Variants in ARID4A observed in about 807,000 individuals in gnomAD.
ARID4A encodes AT-rich interactive domain-containing protein 4A.
Under a neutral mutation model 148.6 loss-of-function variants are expected in ARID4A, and 39 were observed. That is an observed-to-expected ratio of 0.26 (90% confidence interval 0.20 to 0.34). The LOEUF (loss-of-function observed/expected upper bound fraction) is 0.34. Among genes scored for constraint, ARID4A ranks in the 10% least tolerant of loss-of-function variants. ARID4A has a pLI of 1.00. For missense variants in ARID4A, 1,265 were observed against 1,449.1 expected (o/e 0.87, Z 2.06); for synonymous variants, 475 against 481.2 (o/e 0.99, Z 0.17).
intron 23 of ARID4A, among the ~76,000 whole-genome samples, chr14:58,368,752 A>G (rs1015737568): frequency 3.9e-5 from 6 of 152,230 alleles, no homozygotes; most frequent in African/African-American, 1.4e-4. Flanking sequence ...TCTAAACACA[A>G]AATTCATTTA....
chr14:58,365,511 A>G lies in ARID4A; in HGVS notation c.3212-7A>G, dbSNP rs753369389. ...TTTTCAACATTCTCTCTTTCCCCTT[A>G]TTTCAGGTCAGAAGAGGCCAAGTGA... On this transcript the variant is annotated splice_region_variant and splice_polypyrimidine_tract_variant and intron_variant, in intron 20 of 23. Coordinates refer to ENST00000355431, the MANE Select transcript of ARID4A (RefSeq NM_002892.4). The G allele has an allele frequency of 3.2e-5, 19 of 598,262 alleles. No individual in the cohort carries two copies. The highest frequency in any genetic ancestry group is 4.5e-5 in the Non-Finnish European group (19 of 423,232). 37.1% of individuals were successfully genotyped at this position (598,262 alleles called of 1,614,324 possible).
chr14:58,311,949 A>T (rs1252668027), intron 5 of ARID4A, among the ~76,000 whole-genome samples: 1 of 151,980 alleles, frequency 6.6e-6, no homozygotes, highest in Non-Finnish European at 1.5e-5. Flanking sequence ...GGGGTGAGGG[A>T]TTAGGTAAAT....
intron 9 of ARID4A, among the ~76,000 whole-genome samples, chr14:58,328,550 T>C (rs76747427): frequency 6.6e-6 from 1 of 152,174 alleles, no homozygotes; most frequent in African/African-American, 2.4e-5. Context: ...GTTTTTTTTT[T>C]AGCAAAAGAT....
intron 16 of ARID4A, chr14:58,353,369 T>C (rs949171246): frequency 3.3e-4 from 80 of 239,566 alleles, no homozygotes; most frequent in African/African-American, 1.7e-3. Flanking sequence ...ATTTTTCTTA[T>C]TTTGTTTTGT....
chr14:58,300,395 A>G (rs1354825744), intron 2 of ARID4A, among the ~76,000 whole-genome samples: 2 of 152,222 alleles, frequency 1.3e-5, no homozygotes, highest in Admixed American at 6.5e-5. Flanking sequence ...TATTCTACTG[A>G]GGATGACTGC....
At position 58,364,645 on chromosome 14, in the gene ARID4A, A is replaced by G. The variant is rs749287815; in HGVS notation, c.2556A>G (p.Glu852=). ...TEDEIDQCVK[E]KKLKRKILGQ... is the part of the protein sequence containing the mutation. ...ATGAAATTGACCAATGTGTGAAAGA[A>G]AAGAAGTTGAAACGGAAAATACTAG... The change falls in exon 20 of 24, where the codon GAA becomes GAG. Residue 852 remains glutamate (E), a synonymous_variant. Coordinates refer to ENST00000355431, the MANE Select transcript of ARID4A (RefSeq NM_002892.4). The G allele has an allele frequency of 1.2e-6, 2 of 1,613,992 alleles. No individual in the cohort carries two copies. The highest frequency in any genetic ancestry group is 2.2e-5 in the South Asian group (2 of 91,052).
rs2140119816 is a variant in ARID4A at position 58,298,567 on chromosome 14, A to G, written c.-191A>G. On this transcript the variant is annotated 5_prime_UTR_variant, in exon 1 of 24. Coordinates refer to ENST00000355431, the MANE Select transcript of ARID4A (RefSeq NM_002892.4). ...TTGTTATTTGGTGGATTGTGGCAGT[A>G]AATCGGGGCGAGTGGGGAACCCGGC... The G allele has an allele frequency of 6.5e-6, 1 of 153,032 alleles. No homozygotes were observed. The highest frequency in any genetic ancestry group is 2.1e-4 in the South Asian group (1 of 4,844). The allele number at this position is 153,032 out of a possible 1,614,324, so 9.5% of individuals were successfully genotyped here.
intron 5 of ARID4A, among the ~76,000 whole-genome samples, chr14:58,310,951 A>T (rs1332555126): frequency 6.6e-6 from 1 of 151,986 alleles, no homozygotes; most frequent in Non-Finnish European, 1.5e-5. Context: ...CCCAATTTTT[A>T]AAATGGGCAA....
chr14:58,318,118 A>G (rs1368154000), intron 5 of ARID4A, among the ~76,000 whole-genome samples: 2 of 152,228 alleles, frequency 1.3e-5, no homozygotes, highest in African/African-American at 2.4e-5. Flanking sequence ...GAATAATTCA[A>G]TAGCAATACC....
Position 58,323,606 on chromosome 14 carries a change from T to G in ARID4A, c.571T>G (p.Tyr191Asp). ...GTCTGCAACGGAGAGGACTGAATGG[T>G]ATCCTGCTTTGGTAAGTAAAGTTTC... ...VVSATERTEW[Y>D]PALVISPSCN... Residue 191 changes from tyrosine to aspartate, a missense_variant, in exon 8 of 24, where the codon TAT (tyrosine) becomes GAT (aspartate). Tyr to Asp is a radical substitution (Grantham distance 160, BLOSUM62 -3). Around this residue, in one of 9 missense-constraint regions of ARID4A, gnomAD observed 249 missense variants for 277.2 expected, o/e 0.90. Transcript: ENST00000355431. 6.2e-7 allele frequency: 1 copy of G among 1,612,538 alleles called. No homozygotes were observed. The highest frequency in any genetic ancestry group is 8.5e-7 in the Non-Finnish European group (1 of 1,179,056).
intron 11 of ARID4A, among the ~76,000 whole-genome samples, chr14:58,336,990 C>G (rs1446114706): frequency 6.6e-6 from 1 of 150,744 alleles, no homozygotes; most frequent in East Asian, 1.9e-4. Flanking sequence ...CTCCCGAGTT[C>G]AAGTGATTTT....
In ARID4A at chr14:58,366,176, A is replaced by G. The variant is rs1045151798; in HGVS notation, c.3469A>G (p.Arg1157Gly). ...CAAAGATGGAGAGAAAGATAAACAC[A>G]GAGAAAAACATCCGAATTCATCCCC... ...HIKDGEKDKHREKHPNSSPRT... is the reference protein window; with the variant it reads ...HIKDGEKDKHGEKHPNSSPRT... Residue 1157 changes from arginine to glycine, a missense_variant, in exon 22 of 24, where the codon AGA (arginine) becomes GGA (glycine). This residue lies in a region of ARID4A where 666 missense variants were observed against 730.9 expected (regional missense o/e 0.91). Transcript: ENST00000355431. 1.1e-5 allele frequency: 18 copies of G among 1,613,880 alleles called. No homozygotes were observed. The highest frequency in any genetic ancestry group is 1.7e-5 in the Admixed American group (1 of 60,006).
Position 58,351,258 on chromosome 14 carries a change from G to A in ARID4A, c.1590G>A (p.Lys530=). The change falls in exon 16 of 24, where the codon AAG becomes AAA. Residue 530 remains lysine (K), a synonymous_variant. Coordinates refer to ENST00000355431, the MANE Select transcript of ARID4A (RefSeq NM_002892.4). ...GRKNTPKQKE[K]KIKKQEDSDK... Reference sequence around the variant, plus strand: ...AAAATACACCAAAGCAAAAAGAGAAGAAAATTAAAAAACAGGAGGATTCTG... The same window carrying A: ...AAAATACACCAAAGCAAAAAGAGAAAAAAATTAAAAAACAGGAGGATTCTG... The A allele has an allele frequency of 6.2e-7, 1 of 1,610,458 alleles. No individual in the cohort carries two copies. The highest frequency in any genetic ancestry group is 1.3e-5 in the African/African-American group (1 of 74,580).
intron 5 of ARID4A, among the ~76,000 whole-genome samples, chr14:58,308,998 G>A (rs1422371987): frequency 6.6e-6 from 1 of 152,118 alleles, no homozygotes; most frequent in Non-Finnish European, 1.5e-5. Context: ...GCATAATACA[G>A]GTATCAATTT....
chr14:58,327,169 C>G (rs1462010775), intron 8 of ARID4A, among the ~76,000 whole-genome samples: 1 of 152,142 alleles, frequency 6.6e-6, no homozygotes, highest in Non-Finnish European at 1.5e-5. Flanking sequence ...TTCAGTCTCT[C>G]AGTTGCACCA....
At chr14:58,299,935 C>G in intron 2 of ARID4A, 75 bp downstream of exon 2, 1 of 1,598,066 alleles carries the variant, frequency 6.3e-7, no homozygotes, top group Non-Finnish European at 8.6e-7. Flanking sequence ...CGTGGAATGT[C>G]ATTTGTTTTG....
chr14:58,345,658 T>C (rs1379628340), intron 12 of ARID4A, among the ~76,000 whole-genome samples: 1 of 151,804 alleles, frequency 6.6e-6, no homozygotes, highest in East Asian at 1.9e-4. Context: ...TGTGTCAAAG[T>C]AGTGAAAGTG....
chr14:58,346,881 T>C (rs1332372808), intron 13 of ARID4A, 139 bp from the exon 14 acceptor site: 15 of 399,334 alleles, frequency 3.8e-5, no homozygotes, highest in African/African-American at 3.7e-4. Context: ...TGAGCCCTGA[T>C]TGCACCACTG....
chr14:58,347,910 A>C, intron 15 of ARID4A, 32 bp downstream of exon 15: 1 of 1,475,802 alleles, frequency 6.8e-7, no homozygotes, highest in East Asian at 2.3e-5. Flanking sequence ...TATCTGGTTT[A>C]AGTATTATTT....
Sources: allele counts gnomAD v4.1 joint callset (sites outside exome capture counted in the v4.1 genomes callset), GRCh38; gene constraint gnomAD v4.1.1; regional missense constraint gnomAD v4.1.1; transcripts MANE v1.5; gene names NCBI Gene and HGNC (gene_info 2026-07-23, HGNC 2026-07-21).